Variants in EYS observed in about 807,000 individuals in gnomAD.
EYS encodes the protein EGF-like photoreceptor maintenance factor, also known as protein eyes shut homolog.
In EYS, 250 loss-of-function variants were observed where a neutral mutation model predicts 282.1. That is an observed-to-expected ratio of 0.89 (90% CI 0.80 to 0.98). The LOEUF is 0.98. Ranked by LOEUF, EYS falls within the 50% of genes least tolerant of loss-of-function variation. The probability of loss-of-function intolerance (pLI) is 0.00; values close to 1 mark genes in which losing one functional copy is unlikely to be tolerated. For synonymous variants in EYS, 1,355 were observed against 1,282.9 expected (o/e 1.06, Z -1.20); for missense variants, 4,016 against 3,709.0 (o/e 1.08, Z -2.15).
intron 30 of EYS, among the ~76,000 whole-genome samples, chr6:64,235,867 G>C (rs1278784212): frequency 1.3e-5 from 2 of 152,132 alleles, no homozygotes; most frequent in Non-Finnish European, 2.9e-5. Flanking sequence ...GGACCAGATG[G>C]ACTCACAGCC....
At chr6:65,695,882 T>C (rs763813194) in intron 1 of EYS, among the ~76,000 whole-genome samples, 18 of 151,974 alleles carry the variant, frequency 1.2e-4, no homozygotes, top group Non-Finnish European at 2.2e-4. Flanking sequence ...TACAGAAACA[T>C]ACATGGTTCT....
intron 2 of EYS, among the ~76,000 whole-genome samples, chr6:65,548,443 ATAACTG>A (rs1396444832): frequency 6.6e-6 from 1 of 152,202 alleles, no homozygotes; most frequent in Non-Finnish European, 1.5e-5. Flanking sequence ...TCATTTCATA[ATAACTG>A]TAGACTTCTG....
In EYS at chr6:64,822,543, G is replaced by A. The variant is rs947203024; in HGVS notation, c.3164+108C>T. ...TAAATGTACTTAGCTCTTGTTTTAT[G>A]AAAGAGCATAATTAAAATTATCTTT... is the stretch of plus-strand genomic sequence containing the variant. On this transcript the variant is annotated intron_variant, in intron 20 of 42. Coordinates refer to ENST00000503581, the MANE Select transcript of EYS (RefSeq NM_001142800.2). The A allele has an allele frequency of 3.1e-6, 3 of 958,708 alleles. No homozygotes were observed. The African/African-American group carries it at 5.1e-5, about 16-fold the overall frequency. The allele number at this position is 958,708 out of a possible 1,614,324, so 59.4% of individuals were successfully genotyped here. A position where few individuals can be genotyped will look rare whatever the true frequency, so the allele number is the denominator to read the frequency against.
At chr6:64,807,913 G>A (rs1287368308) in intron 22 of EYS, among the ~76,000 whole-genome samples, 1 of 151,860 alleles carries the variant, frequency 6.6e-6, no homozygotes, top group Non-Finnish European at 1.5e-5. Context: ...ATATGTCAGT[G>A]GTTCATTCAT....
chr6:65,387,037 G>A (rs1765827811), intron 7 of EYS, among the ~76,000 whole-genome samples: 1 of 151,726 alleles, frequency 6.6e-6, no homozygotes, highest in South Asian at 2.1e-4. Flanking sequence ...GTGGAAAAGA[G>A]GAGACAAAAA....
intron 31 of EYS, among the ~76,000 whole-genome samples, chr6:64,198,642 C>A (rs1765372115): frequency 6.6e-6 from 1 of 152,146 alleles, no homozygotes; most frequent in South Asian, 2.1e-4. Flanking sequence ...CATTTCCCTG[C>A]AAAGGATGTG....
chr6:65,509,066 C>A (rs939487275), intron 2 of EYS, among the ~76,000 whole-genome samples: 5 of 152,198 alleles, frequency 3.3e-5, no homozygotes, highest in African/African-American at 1.2e-4. Context: ...CCAGAGGTAC[C>A]CAATGAGTAA....
intron 26 of EYS, among the ~76,000 whole-genome samples, chr6:64,538,231 G>A (rs1322787042): frequency 2.0e-5 from 3 of 152,068 alleles, no homozygotes; most frequent in African/African-American, 4.8e-5. Flanking sequence ...ACTACCTAAT[G>A]GTTATCAAAT....
At chr6:65,486,404 G>T (rs1354677036) in intron 5 of EYS, among the ~76,000 whole-genome samples, 1 of 152,000 alleles carries the variant, frequency 6.6e-6, no homozygotes, top group Non-Finnish European at 1.5e-5. Flanking sequence ...TTGACATTTT[G>T]GTAACAGAAT....
At chr6:64,688,468 C>A (rs986496120) in intron 22 of EYS, among the ~76,000 whole-genome samples, 5 of 152,106 alleles carry the variant, frequency 3.3e-5, no homozygotes, top group Non-Finnish European at 7.3e-5. Flanking sequence ...TTTCTGCCTT[C>A]ATTTTGTTAT....
chr6:64,386,564 G>C (rs897367338), intron 29 of EYS, among the ~76,000 whole-genome samples: 3 of 152,062 alleles, frequency 2.0e-5, no homozygotes, highest in Non-Finnish European at 2.9e-5. Flanking sequence ...TACAACTCAA[G>C]GTGAGATTTA....
At chr6:65,587,660 A>T (rs1765100540) in intron 2 of EYS, among the ~76,000 whole-genome samples, 1 of 152,126 alleles carries the variant, frequency 6.6e-6, no homozygotes, top group East Asian at 1.9e-4. Context: ...ACTTACACGA[A>T]AGGCGAACAT....
intron 31 of EYS, among the ~76,000 whole-genome samples, chr6:64,215,558 G>A (rs992511299): frequency 6.6e-6 from 1 of 151,896 alleles, no homozygotes; most frequent in Admixed American, 6.6e-5. Context: ...ATAAATGGAA[G>A]TAATTTCTAT....
intron 1 of EYS, among the ~76,000 whole-genome samples, chr6:65,689,147 G>A (rs1769142990): frequency 6.7e-6 from 1 of 150,052 alleles, no homozygotes; most frequent in African/African-American, 2.4e-5. Flanking sequence ...ATGATAGACT[G>A]GATTAAGAAA....
intron 5 of EYS, chr6:65,490,362 C>T: frequency 2.8e-6 from 1 of 360,106 alleles, no homozygotes; most frequent in South Asian, 5.8e-5. Flanking sequence ...TGGTGAAAAG[C>T]ATGTGAACTG....
intron 32 of EYS, among the ~76,000 whole-genome samples, chr6:64,080,933 A>C (rs1771944579): frequency 6.6e-6 from 1 of 152,042 alleles, no homozygotes; most frequent in South Asian, 2.1e-4. Flanking sequence ...TTTTGGTACC[A>C]GTACCATGCT....
At chr6:64,307,835 A>G (rs112669200) in intron 29 of EYS, among the ~76,000 whole-genome samples, 2,012 of 151,726 alleles carry the variant, frequency 0.013, 44 homozygotes, top group African/African-American at 0.046. Flanking sequence ...TCATAACATC[A>G]TGTGGCCCAT....
chr6:63,803,522 A>C (rs1770828948), intron 37 of EYS, among the ~76,000 whole-genome samples: 2 of 152,190 alleles, frequency 1.3e-5, no homozygotes, highest in African/African-American at 4.8e-5. Context: ...CAGGCTGTCC[A>C]TGCTCAGACA....
chr6:64,051,931 G>A (rs1488110963), intron 33 of EYS, among the ~76,000 whole-genome samples: 1 of 152,106 alleles, frequency 6.6e-6, no homozygotes, highest in Non-Finnish European at 1.5e-5. Flanking sequence ...AGGGGAAAGA[G>A]TGCCAAATGT....
Sources: allele counts gnomAD v4.1 joint callset (sites outside exome capture counted in the v4.1 genomes callset), GRCh38; gene constraint gnomAD v4.1.1; transcripts MANE v1.5; gene names NCBI Gene and HGNC (gene_info 2026-07-23, HGNC 2026-07-21).